Variants in PTPRD observed in about 807,000 individuals in gnomAD.
PTPRD encodes protein tyrosine phosphatase receptor type D.
A neutral mutation model predicts 214.5 loss-of-function variants in PTPRD; 34 were observed. The observed-to-expected ratio is 0.16, with a 90% confidence interval of 0.12 to 0.21. The LOEUF (loss-of-function observed/expected upper bound fraction) is 0.21, where lower values mean the gene tolerates loss of function less well. Among genes scored for constraint, PTPRD ranks in the 10% least tolerant of loss-of-function variants. PTPRD has a pLI of 1.00. For synonymous variants in PTPRD, 1,128 were observed against 845.7 expected (o/e 1.33, Z -5.79); for missense variants, 2,545 against 2,398.7 (o/e 1.06, Z -1.27).
At chr9:9,846,985 T>G (rs1185591439) in intron 5 of PTPRD, among the ~76,000 whole-genome samples, 1 of 152,050 alleles carries the variant, frequency 6.6e-6, no homozygotes, top group Non-Finnish European at 1.5e-5. Context: ...AAAATATATA[T>G]TTTTTTGAGT....
chr9:8,430,430 C>T (rs2094965491), intron 35 of PTPRD, among the ~76,000 whole-genome samples: 1 of 131,828 alleles, frequency 7.6e-6, no homozygotes, highest in Admixed American at 8.3e-5. Flanking sequence ...GCCACCACGA[C>T]AGGCTAATTT....
chr9:10,330,155 T>C (rs969508850), intron 3 of PTPRD, among the ~76,000 whole-genome samples: 12 of 151,762 alleles, frequency 7.9e-5, no homozygotes, highest in Admixed American at 3.3e-4. Context: ...CTTAAATACT[T>C]TTCTAAGACA....
At position 9,842,502 on chromosome 9, in the gene PTPRD, G is replaced by A. The variant is rs1055350818; in HGVS notation, c.-367-75651C>T. On this transcript the variant is annotated intron_variant, in intron 5 of 45. Transcript: ENST00000381196. ...AAATAAATAAGAAGGAAGAAAGAGA[G>A]TGTGGGAGGGAAGAAAAAAGAAATA... Among the ~76,000 whole-genome samples the A allele has an allele frequency of 1.6e-4, 25 of 151,776 alleles. 1 individual carries two copies. The highest frequency in any genetic ancestry group is 6.0e-4 in the African/African-American group (25 of 41,466).
chr9:10,475,881 C>A (rs199591840), intron 2 of PTPRD, among the ~76,000 whole-genome samples: 18 of 127,962 alleles, frequency 1.4e-4, no homozygotes, highest in South Asian at 5.5e-4. Flanking sequence ...CAAAAAAAAA[C>A]ATATGATTAT....
chr9:9,479,679 A>C (rs2095313290), intron 8 of PTPRD, among the ~76,000 whole-genome samples: 1 of 152,164 alleles, frequency 6.6e-6, no homozygotes, highest in Non-Finnish European at 1.5e-5. Context: ...GATGGCAATC[A>C]CTATTGTTTT....
At chr9:10,191,636 C>T (rs1353852891) in intron 3 of PTPRD, among the ~76,000 whole-genome samples, 1 of 152,102 alleles carries the variant, frequency 6.6e-6, no homozygotes, top group Non-Finnish European at 1.5e-5. Context: ...CTCTCTTTCC[C>T]CCAAATGTCC....
intron 9 of PTPRD, among the ~76,000 whole-genome samples, chr9:9,284,180 C>T (rs185816000): frequency 4.6e-5 from 7 of 151,644 alleles, no homozygotes; most frequent in Non-Finnish European, 8.9e-5. Flanking sequence ...GGGGTTCTAT[C>T]CTAACTTTCA....
chr9:9,322,208 G>T (rs923245465), intron 9 of PTPRD, among the ~76,000 whole-genome samples: 6 of 152,258 alleles, frequency 3.9e-5, no homozygotes, highest in Admixed American at 1.3e-4. Flanking sequence ...TTCCAAACCA[G>T]TAGAGTCCTA....
intron 8 of PTPRD, among the ~76,000 whole-genome samples, chr9:9,565,567 T>C (rs2084262995): frequency 6.6e-6 from 1 of 151,916 alleles, no homozygotes. Context: ...TATTAATGTA[T>C]AAAAATGCTT....
At chr9:10,006,526 G>T (rs17616274) in intron 4 of PTPRD, among the ~76,000 whole-genome samples, 1 of 151,880 alleles carries the variant, frequency 6.6e-6, no homozygotes, top group Non-Finnish European at 1.5e-5. Flanking sequence ...CCGTTTTACA[G>T]AATTCAGGGT....
chr9:9,029,075 TATCTC>T (rs1374198129), intron 10 of PTPRD, among the ~76,000 whole-genome samples: 5 of 151,846 alleles, frequency 3.3e-5, no homozygotes, highest in Non-Finnish European at 7.4e-5. Context: ...TAATATGAAA[TATCTC>T]ATTCATATTA....
chr9:9,425,467 T>A (rs1462304135), intron 8 of PTPRD, among the ~76,000 whole-genome samples: 3 of 146,598 alleles, frequency 2.0e-5, no homozygotes, highest in Non-Finnish European at 4.5e-5. Context: ...AAATATATAA[T>A]TATATATATA....
At chr9:9,911,313 T>TA (rs1157890255) in intron 5 of PTPRD, among the ~76,000 whole-genome samples, 1 of 152,086 alleles carries the variant, frequency 6.6e-6, no homozygotes, top group Non-Finnish European at 1.5e-5. Flanking sequence ...AACTCTTACT[T>TA]AGAGTCTCTG....
chr9:8,514,917 T>C (rs747914780), intron 21 of PTPRD, among the ~76,000 whole-genome samples: 27 of 152,114 alleles, frequency 1.8e-4, no homozygotes, highest in Non-Finnish European at 2.4e-4. Flanking sequence ...CGAGATCTAA[T>C]GGTTTTATAA....
Position 9,341,071 on chromosome 9 carries a change from A to C in PTPRD, c.-203+56378T>G, listed in dbSNP as rs139042156. Among the ~76,000 whole-genome samples the C allele has an allele frequency of 2.0e-3, 301 of 152,282 alleles. 2 individuals carry two copies. Among genetic ancestry groups the C allele is most frequent in the African/African-American group, 6.6e-3 (276 of 41,562 alleles). ...AAGGAAATACATTAAATGTTTTGCT[A>C]ATTGTTTTTCAAATCAAGAAAGGAA... On this transcript the variant is annotated intron_variant, in intron 9 of 45. Coordinates refer to ENST00000381196, the MANE Select transcript of PTPRD (RefSeq NM_002839.4).
intron 14 of PTPRD, among the ~76,000 whole-genome samples, chr9:8,548,354 T>C (rs772772069): frequency 3.3e-5 from 5 of 151,968 alleles, no homozygotes; most frequent in Non-Finnish European, 7.4e-5. Flanking sequence ...TTAGGTTGTA[T>C]ATGCATGCAG....
intron 5 of PTPRD, among the ~76,000 whole-genome samples, chr9:9,908,845 ATAT>A (rs1162372521): frequency 6.6e-6 from 1 of 151,990 alleles, no homozygotes; most frequent in Non-Finnish European, 1.5e-5. Flanking sequence ...AAGAATAAAA[ATAT>A]TATTGTCTTT....
intron 4 of PTPRD, among the ~76,000 whole-genome samples, chr9:9,962,829 G>A (rs978603259): frequency 2.0e-5 from 3 of 151,960 alleles, no homozygotes; most frequent in African/African-American, 7.2e-5. Flanking sequence ...AATAAAGACT[G>A]TTCCCAAAAG....
intron 3 of PTPRD, among the ~76,000 whole-genome samples, chr9:10,264,803 C>T (rs1335366255): frequency 1.3e-5 from 2 of 152,076 alleles, no homozygotes; most frequent in Non-Finnish European, 2.9e-5. Context: ...TGTTCCCACC[C>T]AAGTCTCATC....
Sources: allele counts gnomAD v4.1 joint callset (sites outside exome capture counted in the v4.1 genomes callset), GRCh38; gene constraint gnomAD v4.1.1; transcripts MANE v1.5; gene names NCBI Gene and HGNC (gene_info 2026-07-23, HGNC 2026-07-21).